The following SIN3A variants were observed in gnomAD, a reference collection of about 807,000 sequenced individuals.
The protein encoded by SIN3A is paired amphipathic helix protein Sin3a.
Under a neutral mutation model 146.1 loss-of-function variants are expected in SIN3A, and 14 were observed. The ratio of observed to expected loss-of-function variants is 0.10; its 90% confidence interval spans 0.06 to 0.15. SIN3A has a LOEUF of 0.15. Ranked by LOEUF, SIN3A falls within the 10% of genes least tolerant of loss-of-function variation. The pLI is 1.00. For synonymous variants in SIN3A, 572 were observed against 572.0 expected, an observed-to-expected ratio of 1.00 and a Z score of 0.00; for missense variants, 1,028 against 1,576.0, an observed-to-expected ratio of 0.65 and a Z score of 5.89.
chr15:75,437,341 AT>A (rs1328651003), intron 1 of SIN3A, among the ~76,000 whole-genome samples: 2 of 151,938 alleles, frequency 1.3e-5, no homozygotes, highest in African/African-American at 4.8e-5. Flanking sequence ...TAACTTTTGT[AT>A]TTTTTGTAGA....
intron 1 of SIN3A, among the ~76,000 whole-genome samples, chr15:75,444,873 T>C (rs914687265): frequency 1.3e-5 from 2 of 152,240 alleles, no homozygotes; most frequent in Non-Finnish European, 1.5e-5. Flanking sequence ...GGGCTATTAT[T>C]TGTATTATTT....
At chr15:75,454,685 GC>G (rs1386026392), upstream of SIN3A, among the ~76,000 whole-genome samples, 1 of 151,754 alleles carries the variant, frequency 6.6e-6, no homozygotes, top group Admixed American at 6.6e-5. Context: ...ACACGCCCGC[GC>G]CCCCGCCCCC....
chr15:75,384,280 T>G lies in SIN3A; in HGVS notation c.3179A>C (p.Asp1060Ala). 6.2e-7 allele frequency: 1 copy of G among 1,611,658 alleles called. No individual in the cohort carries two copies. ...YQRKAEQLMS[D>A]ENCFKLMFIQ... Reference sequence around the variant, plus strand: ...AACTCTCACCTTAAAGCAATTCTCATCTGACATTAGCTGCTCAGCTTTCCG... The same window carrying G: ...AACTCTCACCTTAAAGCAATTCTCAGCTGACATTAGCTGCTCAGCTTTCCG... The change falls in exon 17 of 21, where the codon GAT becomes GCT. Residue 1060 changes from aspartate (D) to alanine (A), a missense_variant. Asp to Ala is a moderately radical substitution (Grantham distance 126). Around this residue, in one of 9 missense-constraint regions of SIN3A, gnomAD observed 488 missense variants for 690.2 expected, o/e 0.71. Coordinates refer to ENST00000394947, the MANE Select transcript of SIN3A (RefSeq NM_001145358.2).
At chr15:75,441,369 T>C (rs2074208217) in intron 1 of SIN3A, among the ~76,000 whole-genome samples, 2 of 151,790 alleles carry the variant, frequency 1.3e-5, no homozygotes, top group South Asian at 4.2e-4. Context: ...TAGAGTACAG[T>C]GGCATGATCA....
upstream of SIN3A, among the ~76,000 whole-genome samples, chr15:75,452,101 C>T (rs2074420944): frequency 6.6e-6 from 1 of 152,224 alleles, no homozygotes; most frequent in South Asian, 2.1e-4. Flanking sequence ...CTCCCACCGC[C>T]CCAGTAAGGT....
chr15:75,443,289 A>C (rs1188655093), intron 1 of SIN3A, among the ~76,000 whole-genome samples: 1 of 152,168 alleles, frequency 6.6e-6, no homozygotes, highest in Non-Finnish European at 1.5e-5. Flanking sequence ...ATTTTTAAAT[A>C]TGTCCAATGA....
intron 13 of SIN3A, among the ~76,000 whole-genome samples, chr15:75,395,184 T>C (rs763793321): frequency 1.7e-4 from 26 of 152,342 alleles, no homozygotes; most frequent in Non-Finnish European, 2.9e-4. Flanking sequence ...TTCTTTGCTA[T>C]AGGACTTTGC....
At chr15:75,427,331 C>T (rs1246141418) in intron 2 of SIN3A, among the ~76,000 whole-genome samples, 1 of 151,128 alleles carries the variant, frequency 6.6e-6, no homozygotes, top group Non-Finnish European at 1.5e-5. Flanking sequence ...CAAGATCACG[C>T]CACTGCACTC....
Position 75,407,077 on chromosome 15 carries a change from G to C in SIN3A, c.1385C>G (p.Thr462Arg). 1 of 1,612,030 alleles carries C rather than the reference G, an allele frequency of 6.2e-7. No individual in the cohort carries two copies. Among genetic ancestry groups the C allele is most frequent in the Non-Finnish European group, 8.5e-7 (1 of 1,178,812 alleles). ...CACCTTATCAAAAAATAACGATTCT[G>C]TTCCACCACCATGTTTGCTGGCATC... ...MADASKHGGG[T>R]ESLFFDKVRK... The change falls in exon 9 of 21, where the codon ACA becomes AGA. Residue 462 changes from threonine to arginine, a missense_variant. Transcript: ENST00000394947.
intron 5 of SIN3A, 112 bp downstream of exon 5, chr15:75,412,651 A>C: frequency 8.9e-7 from 1 of 1,123,338 alleles, no homozygotes; most frequent in Non-Finnish European, 1.2e-6. Flanking sequence ...CTATGACGAA[A>C]TCTTTGTAAC....
At chr15:75,372,661 A>C (rs906856491) in intron 20 of SIN3A, among the ~76,000 whole-genome samples, 2 of 151,864 alleles carry the variant, frequency 1.3e-5, no homozygotes, top group African/African-American at 4.8e-5. Flanking sequence ...ATCTCTACAA[A>C]AATACAAATA....
intron 18 of SIN3A, 40 bp from the exon 19 acceptor site, chr15:75,380,763 CA>C: frequency 4.2e-6 from 6 of 1,417,244 alleles, no homozygotes; most frequent in African/African-American, 1.4e-5. Flanking sequence ...AAGGAAATCA[CA>C]AAAACAGCTC....
rs770280376 is a variant in SIN3A at position 75,394,876 on chromosome 15, G to A, written c.2094-13C>T. Reference sequence around the variant, plus strand: ...TTTCATCTTCAACCTAGTGAAGCGGGAAGGGATGGAAACAACACATGGGAA... The same window carrying A: ...TTTCATCTTCAACCTAGTGAAGCGGAAAGGGATGGAAACAACACATGGGAA... On this transcript the variant is annotated splice_polypyrimidine_tract_variant and intron_variant, in intron 13 of 20. Coordinates refer to ENST00000394947, the MANE Select transcript of SIN3A (RefSeq NM_001145358.2). 4.4e-6 allele frequency: 7 copies of A among 1,608,892 alleles called. No homozygotes were observed. In the African/African-American group the frequency reaches 9.4e-5, roughly 22 times the overall value.
rs781456729 is a variant in SIN3A, at chr15:75,394,818, A to G, written c.2139T>C (p.Phe713=). ...CATTTTGTTCTCGCCATACTTTGTT[A>G]AAGCCTCTCTGAGCTTCTCGCCATT... ...EEEWREAQRG[F]NKVWREQNEK... The change falls in exon 14 of 21, where the codon TTT becomes TTC. Residue 713 remains phenylalanine, a synonymous_variant. Coordinates refer to ENST00000394947, the MANE Select transcript of SIN3A (RefSeq NM_001145358.2). 2.5e-6 allele frequency: 4 copies of G among 1,614,094 alleles called. No individual in the cohort carries two copies. Among genetic ancestry groups the G allele is most frequent in the South Asian group, 2.2e-5 (2 of 91,074 alleles).
At position 75,411,622 on chromosome 15, in the gene SIN3A, G is replaced by T; in HGVS notation, c.878C>A (p.Ala293Asp). Reference protein sequence around the residue: ...HTPVTISLGTAPSLQNNQPVE... With the variant: ...HTPVTISLGTDPSLQNNQPVE... ...AGGTTGATTGTTCTGCAAGGATGGG[G>T]CCGTTCCCAACGAGATTGTCACTGG... The change falls in exon 6 of 21, where the codon GCC becomes GAC. Residue 293 changes from alanine to aspartate, a missense_variant. This residue lies in a region of SIN3A where 112 missense variants were observed against 135.7 expected (regional missense o/e 0.83). Transcript: ENST00000394947. 6.2e-7 allele frequency: 1 copy of T among 1,614,200 alleles called. No individual in the cohort carries two copies. Among genetic ancestry groups the T allele is most frequent in the Non-Finnish European group, 8.5e-7 (1 of 1,180,028 alleles).
At chr15:75,425,517 T>C (rs886320083) in intron 2 of SIN3A, among the ~76,000 whole-genome samples, 17 of 152,230 alleles carry the variant, frequency 1.1e-4, no homozygotes, top group Non-Finnish European at 1.9e-4. Context: ...CTGTATCTAA[T>C]GTAAAATAAA....
At chr15:75,410,975 C>CA (rs36019521) in intron 6 of SIN3A, among the ~76,000 whole-genome samples, 75,344 of 127,636 alleles carry the variant, frequency 0.59, 21,211 homozygotes, top group African/African-American at 0.72. Flanking sequence ...AACTCTGTCT[C>CA]AAAAAAAAAA....
rs528824858 is a variant in SIN3A, at chr15:75,389,247, G to C, written c.3021+405C>G. Among the ~76,000 whole-genome samples the C allele has an allele frequency of 1.9e-4, 29 of 151,600 alleles. 1 individual carries two copies. In the South Asian group the frequency reaches 5.8e-3, roughly 30 times the overall value. ...AGGCCAAGACAGGAGGATCACTTGA[G>C]ACCAGAAGTTCAAGACCAGCCTGGG... is the stretch of plus-strand genomic sequence containing the variant. On this transcript the variant is annotated intron_variant, in intron 16 of 20. Coordinates refer to ENST00000394947, the MANE Select transcript of SIN3A (RefSeq NM_001145358.2).
chr15:75,454,348 C>T (rs945624972), upstream of SIN3A, among the ~76,000 whole-genome samples: 1 of 152,108 alleles, frequency 6.6e-6, no homozygotes, highest in African/African-American at 2.4e-5. Flanking sequence ...GGGGTCCGCC[C>T]CTCAGCTCCC....
Sources: allele counts gnomAD v4.1 joint callset (sites outside exome capture counted in the v4.1 genomes callset), GRCh38; gene constraint gnomAD v4.1.1; regional missense constraint gnomAD v4.1.1; transcripts MANE v1.5; gene names NCBI Gene and HGNC (gene_info 2026-07-23, HGNC 2026-07-21).